HEATR5A: variants seen among roughly 807,000 people sequenced by gnomAD.
The protein encoded by HEATR5A is HEAT repeat containing 5A, also known as HEAT repeat-containing protein 5A.
Under a neutral mutation model 218.8 loss-of-function variants are expected in HEATR5A, and 178 were observed. The observed-to-expected ratio is 0.81, with a 90% CI of 0.72 to 0.92. The LOEUF (loss-of-function observed/expected upper bound fraction) is 0.92, where lower values mean the gene tolerates loss of function less well. Among genes scored for constraint, HEATR5A ranks in the 40% least tolerant of loss-of-function variants. The pLI is 0.00. For missense variants in HEATR5A, 2,420 were observed against 2,418.9 expected (o/e 1.00, Z -0.01); for synonymous variants, 864 against 871.6 (o/e 0.99, Z 0.15).
Position 31,364,301 on chromosome 14 carries a change from T to TA in HEATR5A, c.1962-4dup. 1 of 1,449,378 alleles carries TA rather than the reference T, an allele frequency of 6.9e-7. No individual in the cohort carries two copies. The allele number at this position is 1,449,378 out of a possible 1,614,324, so 89.8% of individuals were successfully genotyped here. ...ACATTTTTAGTATTGAAGAAAGCCT[T>TA]AAAATAAAAGAAAAAGTGTATCTTA... On this transcript the variant is annotated splice_region_variant and splice_polypyrimidine_tract_variant and intron_variant, in intron 13 of 35. Coordinates refer to ENST00000543095, the MANE Select transcript of HEATR5A (RefSeq NM_015473.4).
At chr14:31,297,997 G>C (rs1417814438) in intron 33 of HEATR5A, among the ~76,000 whole-genome samples, 2 of 152,162 alleles carry the variant, frequency 1.3e-5, no homozygotes, top group African/African-American at 4.8e-5. Context: ...TTCTCAGCAA[G>C]ATAAAGTTCT....
chr14:31,398,724 G>A lies in HEATR5A; in HGVS notation c.396C>T (p.Asn132=), dbSNP rs1406790172. 6 of 1,533,174 alleles carry A rather than the reference G, an allele frequency of 3.9e-6. No individual in the cohort carries two copies. Among genetic ancestry groups the A allele is most frequent in the Non-Finnish European group, 5.2e-6 (6 of 1,144,132 alleles). The allele number at this position is 1,533,174 out of a possible 1,614,324, so 95.0% of individuals were successfully genotyped here. A position where few individuals can be genotyped will look rare whatever the true frequency, so the allele number is the denominator to read the frequency against. The change falls in exon 4 of 36, where the codon AAC becomes AAT. Residue 132 remains asparagine, a synonymous_variant. Coordinates refer to ENST00000543095, the MANE Select transcript of HEATR5A (RefSeq NM_015473.4). ...LYKKLGRILG[N]TFTDTVGNIL... is the part of the protein sequence containing the mutation. ...TATTCCCCACTGTATCAGTAAAGGT[G>A]TTACCCAGTATTCTACCCAACTTCT... is the stretch of plus-strand genomic sequence containing the variant.
chr14:31,318,741 C>T (rs1377031505), intron 25 of HEATR5A, among the ~76,000 whole-genome samples: 1 of 152,198 alleles, frequency 6.6e-6, no homozygotes, highest in Admixed American at 6.5e-5. Flanking sequence ...CCAACTGCCT[C>T]CTCCCAAAGT....
Position 31,374,956 on chromosome 14 carries a change from A to G in HEATR5A, c.1721T>C (p.Val574Ala), listed in dbSNP as rs1167479306. 5 of 1,607,308 alleles carry G rather than the reference A, an allele frequency of 3.1e-6. No individual in the cohort carries two copies. Among genetic ancestry groups the G allele is most frequent in the African/African-American group, 2.7e-5 (2 of 74,840 alleles). ...CAGAACTCGAGCAAGGTGATGGCTAACAACTGCAGGACCTGTAATTTATTC... is the reference window on the plus strand; with the variant it reads ...CAGAACTCGAGCAAGGTGATGGCTAGCAACTGCAGGACCTGTAATTTATTC... ...SALMTLGPAV[V>A]SHHLARVLLL... Residue 574 changes from valine (V) to alanine (A), a missense_variant, in exon 12 of 36, where the codon GTT (valine) becomes GCT (alanine). By Grantham distance (64) the Val-to-Ala change is moderately conservative (BLOSUM62 0). Coordinates refer to ENST00000543095, the MANE Select transcript of HEATR5A (RefSeq NM_015473.4).
intron 34 of HEATR5A, among the ~76,000 whole-genome samples, chr14:31,294,555 G>A (rs183967136): frequency 2.6e-5 from 4 of 151,622 alleles, no homozygotes; most frequent in East Asian, 3.9e-4. Context: ...GACTACAGGC[G>A]TGCACCTCCA....
Position 31,364,186 on chromosome 14 carries a change from T to A in HEATR5A, c.2071+3A>T. 7.1e-7 allele frequency: 1 copy of A among 1,405,978 alleles called. No homozygotes were observed. Among genetic ancestry groups the A allele is most frequent in the Non-Finnish European group, 9.7e-7 (1 of 1,026,838 alleles). The allele number at this position is 1,405,978 out of a possible 1,614,324, so 87.1% of individuals were successfully genotyped here. ...AAAAAACATTTTGGTCTAAGGCACA[T>A]ACCTTCATAGGTCTCAGGAGGTAAT... On this transcript the variant is annotated splice_donor_region_variant and intron_variant, in intron 14 of 35. Coordinates refer to ENST00000543095, the MANE Select transcript of HEATR5A (RefSeq NM_015473.4).
Position 31,345,180 on chromosome 14 carries a change from A to C in HEATR5A, c.2965T>G (p.Leu989Val), listed in dbSNP as rs774722288. The part of the protein sequence containing the change: ...EPTLSLIIML[L>V]LNVPPTHAEV... Reference sequence around the variant, plus strand: ...GCATGAGTAGGAGGCACATTTAACAACAACATTATAATAAGAGAAAGGGTA... The same window carrying C: ...GCATGAGTAGGAGGCACATTTAACACCAACATTATAATAAGAGAAAGGGTA... The change falls in exon 20 of 36, where the codon TTG becomes GTG. Residue 989 changes from leucine to valine, a missense_variant. Coordinates refer to ENST00000543095, the MANE Select transcript of HEATR5A (RefSeq NM_015473.4). 3.7e-6 allele frequency: 6 copies of C among 1,613,810 alleles called. No homozygotes were observed. The African/African-American group carries it at 8.0e-5, about 22-fold the overall frequency.
chr14:31,327,159 G>C (rs1900295744), intron 22 of HEATR5A, among the ~76,000 whole-genome samples: 1 of 151,802 alleles, frequency 6.6e-6, no homozygotes, highest in South Asian at 2.1e-4. Context: ...ATTTTTAGTA[G>C]AGACGGGGTT....
intron 1 of HEATR5A, among the ~76,000 whole-genome samples, chr14:31,417,850 G>A (rs1169732585): frequency 4.6e-5 from 7 of 151,930 alleles, no homozygotes; most frequent in Non-Finnish European, 7.4e-5. Flanking sequence ...ACACACTGCA[G>A]ATCCAGAAGC....
chr14:31,374,998 G>C, intron 11 of HEATR5A, 30 bp from the exon 12 acceptor site: 1 of 1,563,032 alleles, frequency 6.4e-7, no homozygotes, highest in Non-Finnish European at 8.7e-7. Context: ...TCACTTGTAA[G>C]AGAATCCAAG....
chr14:31,400,266 T>C (rs1206494450), intron 3 of HEATR5A, 35 bp downstream of exon 3: 4 of 1,367,426 alleles, frequency 2.9e-6, no homozygotes, highest in Non-Finnish European at 2.0e-6. Context: ...GGAAGCAATA[T>C]TTTGTTTTCT....
intron 26 of HEATR5A, among the ~76,000 whole-genome samples, chr14:31,316,941 G>A (rs1463053752): frequency 4.6e-5 from 7 of 152,028 alleles, no homozygotes; most frequent in East Asian, 1.9e-4. Context: ...ACTTGCCTGC[G>A]CCTCCCAAAG....
chr14:31,325,884 C>T, intron 23 of HEATR5A: 1 of 424,682 alleles, frequency 2.4e-6, no homozygotes, highest in Non-Finnish European at 4.3e-6. Context: ...CCTTTTAGGG[C>T]ATAAACAATA....
intron 22 of HEATR5A, among the ~76,000 whole-genome samples, chr14:31,336,248 A>G (rs1489037757): frequency 1.2e-5 from 1 of 83,772 alleles, no homozygotes; most frequent in South Asian, 3.1e-4. Flanking sequence ...ATATATATAT[A>G]TATATATATA....
intron 12 of HEATR5A, among the ~76,000 whole-genome samples, chr14:31,373,283 C>T (rs1165429344): frequency 6.6e-6 from 1 of 151,556 alleles, no homozygotes; most frequent in East Asian, 1.9e-4. Flanking sequence ...AAAATCAATG[C>T]TTCCATGTCT....
Position 31,383,750 on chromosome 14 carries a change from G to T in HEATR5A, c.1367C>A (p.Ser456Ter). The change falls in exon 10 of 36, where the codon TCA (serine) becomes TAA (stop). Residue 456 changes from serine to a stop codon, truncating the protein, a stop_gained. Coordinates refer to ENST00000543095, the MANE Select transcript of HEATR5A (RefSeq NM_015473.4). LOFTEE classifies it high-confidence loss of function. ...SSTGLLDSIL[S>*]VILHPSISVR... ...AGAAATGCTAGGATGAAGAATAACT[G>T]ACAAGATACTGTCAAGGAGACCTGG... The T allele has an allele frequency of 6.2e-7, 1 of 1,613,268 alleles. No individual in the cohort carries two copies. The highest frequency in any genetic ancestry group is 1.1e-5 in the South Asian group (1 of 91,048).
At chr14:31,312,031 G>A (rs1899772179) in intron 28 of HEATR5A, among the ~76,000 whole-genome samples, 1 of 152,174 alleles carries the variant, frequency 6.6e-6, no homozygotes, top group Admixed American at 6.6e-5. Flanking sequence ...GTTTCGGGAG[G>A]ACAATGGGTA....
intron 22 of HEATR5A, among the ~76,000 whole-genome samples, chr14:31,335,851 C>T (rs143085028): frequency 0.012 from 1,887 of 152,022 alleles, 49 homozygotes; most frequent in African/African-American, 0.043. Context: ...GACGGGGTTT[C>T]GCTATGTTGG....
chr14:31,373,054 C>T (rs1349736152), intron 12 of HEATR5A, among the ~76,000 whole-genome samples: 1 of 151,806 alleles, frequency 6.6e-6, no homozygotes, highest in Non-Finnish European at 1.5e-5. Context: ...TCCTCCCACC[C>T]CAGACTACAG....
Sources: allele counts gnomAD v4.1 joint callset (sites outside exome capture counted in the v4.1 genomes callset), GRCh38; gene constraint gnomAD v4.1.1; transcripts MANE v1.5; gene names NCBI Gene and HGNC (gene_info 2026-07-23, HGNC 2026-07-21).